The following THSD7A variants were observed in gnomAD, a reference collection of about 807,000 sequenced individuals.
The protein encoded by THSD7A is thrombospondin type-1 domain-containing protein 7A.
THSD7A carries 96 observed loss-of-function variants against 231.3 expected under a neutral mutation model. The observed-to-expected ratio is 0.41, with a 90% CI of 0.35 to 0.49. The LOEUF is 0.49. Ranked by LOEUF, THSD7A falls within the 20% of genes least tolerant of loss-of-function variation. The probability of loss-of-function intolerance (pLI) is 0.05; values close to 1 mark genes in which losing one functional copy is unlikely to be tolerated. For synonymous variants in THSD7A, 940 were observed against 743.3 expected (o/e 1.26, Z -4.30); for missense variants, 2,290 against 2,070.2 (o/e 1.11, Z -2.06).
chr7:11,476,771 GGCCACT>G (rs1786203206), intron 7 of THSD7A, among the ~76,000 whole-genome samples: 1 of 149,986 alleles, frequency 6.7e-6, no homozygotes, highest in South Asian at 2.1e-4. Context: ...GCCAAGATCG[GGCCACT>G]GCACTCCAGC....
At position 11,411,379 on chromosome 7, in the gene THSD7A, T is replaced by G. The variant is rs1783780849; in HGVS notation, c.3683-57A>C. On this transcript the variant is annotated intron_variant, in intron 18 of 27. Transcript: ENST00000423059. The surrounding 1 kb of genome is among the most constrained non-coding windows in gnomAD (Gnocchi z 4.1). ...GGCTAAGTAAGAAACAGATTTCAAA[T>G]GAAACTCTGATGACCTGAATCCCAT... 5.3e-5 allele frequency: 63 copies of G among 1,190,762 alleles called. No homozygotes were observed. The South Asian group carries it at 8.3e-4, about 16-fold the overall frequency. The allele number at this position is 1,190,762 out of a possible 1,614,324, so 73.8% of individuals were successfully genotyped here.
chr7:11,488,903 G>C (rs1243845791), intron 6 of THSD7A, among the ~76,000 whole-genome samples: 2 of 151,918 alleles, frequency 1.3e-5, no homozygotes, highest in Non-Finnish European at 2.9e-5. Flanking sequence ...TTCATGCCTG[G>C]TGTCCCCATC....
At chr7:11,780,193 T>A (rs1054092804) in intron 1 of THSD7A, among the ~76,000 whole-genome samples, 39 of 152,178 alleles carry the variant, frequency 2.6e-4, no homozygotes, top group African/African-American at 8.9e-4. Context: ...AAACTAATCG[T>A]ATTCATGAGG....
chr7:11,771,699 AAT>A (rs1199697790), intron 1 of THSD7A, among the ~76,000 whole-genome samples: 1 of 152,110 alleles, frequency 6.6e-6, no homozygotes, highest in African/African-American at 2.4e-5. Flanking sequence ...CAACATCGCT[AAT>A]TGATAAGGTT....
chr7:11,693,880 T>C (rs1040366952), intron 1 of THSD7A, among the ~76,000 whole-genome samples: 2 of 151,552 alleles, frequency 1.3e-5, no homozygotes, highest in Admixed American at 6.6e-5. Context: ...TTACAACTAA[T>C]TAGGATATCT....
At chr7:11,651,755 TTAA>T (rs1782516345) in intron 1 of THSD7A, among the ~76,000 whole-genome samples, 1 of 151,956 alleles carries the variant, frequency 6.6e-6, no homozygotes, top group African/African-American at 2.4e-5. Context: ...CTTTGTTTTA[TTAA>T]ACACTGAAAA....
At chr7:11,743,881 C>G (rs1408943146) in intron 1 of THSD7A, among the ~76,000 whole-genome samples, 2 of 151,888 alleles carry the variant, frequency 1.3e-5, no homozygotes, top group Non-Finnish European at 2.9e-5. Context: ...AGTAATGAAT[C>G]ATAGCAATGT....
intron 1 of THSD7A, among the ~76,000 whole-genome samples, chr7:11,683,176 A>G (rs912856944): frequency 6.6e-6 from 1 of 151,942 alleles, no homozygotes. Context: ...AGACAGTGGA[A>G]TAAGAATAGA....
chr7:11,741,739 TTGA>T (rs1782121894), intron 1 of THSD7A, among the ~76,000 whole-genome samples: 1 of 151,920 alleles, frequency 6.6e-6, no homozygotes, highest in Non-Finnish European at 1.5e-5. Flanking sequence ...AATAACTATG[TTGA>T]TGACCTAAAC....
At chr7:11,662,536 C>T (rs1218544911) in intron 1 of THSD7A, among the ~76,000 whole-genome samples, 1 of 151,278 alleles carries the variant, frequency 6.6e-6, no homozygotes, top group East Asian at 1.9e-4. Context: ...ATTAGAACAA[C>T]ATGATTAACA....
At chr7:11,761,141 A>T (rs1376115850) in intron 1 of THSD7A, among the ~76,000 whole-genome samples, 1 of 151,938 alleles carries the variant, frequency 6.6e-6, no homozygotes, top group Non-Finnish European at 1.5e-5. Flanking sequence ...GACAACTTTG[A>T]TTACATCAAA....
chr7:11,612,184 G>A (rs755138207), intron 2 of THSD7A, among the ~76,000 whole-genome samples: 2 of 151,752 alleles, frequency 1.3e-5, no homozygotes, highest in East Asian at 1.9e-4. Flanking sequence ...TCCATAGCAC[G>A]GCCTAACTGA....
intron 26 of THSD7A, among the ~76,000 whole-genome samples, chr7:11,378,410 T>A (rs1782366937): frequency 6.6e-6 from 1 of 152,156 alleles, no homozygotes; most frequent in East Asian, 1.9e-4. Context: ...GAATAGCATA[T>A]CATGAGGTAT....
Position 11,793,656 on chromosome 7 carries a change from G to A in THSD7A, c.190+38101C>T, listed in dbSNP as rs1030206847. Among the ~76,000 whole-genome samples, 3 of 151,640 alleles carry A rather than the reference G, an allele frequency of 2.0e-5. No individual in the cohort carries two copies. The South Asian group carries it at 6.2e-4, about 31-fold the overall frequency. Reference sequence around the variant, plus strand: ...GGAATATTATGTAGTCATGAAATAAGAAGATACTTTTTAAAAGTCATGTGG... The same window carrying A: ...GGAATATTATGTAGTCATGAAATAAAAAGATACTTTTTAAAAGTCATGTGG... On this transcript the variant is annotated intron_variant, in intron 1 of 27. Coordinates refer to ENST00000423059, the MANE Select transcript of THSD7A (RefSeq NM_015204.3).
chr7:11,623,499 C>T (rs548730004), intron 2 of THSD7A, among the ~76,000 whole-genome samples: 6 of 152,222 alleles, frequency 3.9e-5, no homozygotes, highest in Non-Finnish European at 7.4e-5. Context: ...GCCACACTCT[C>T]AGGGCAGACT....
intron 2 of THSD7A, among the ~76,000 whole-genome samples, chr7:11,626,511 C>T (rs200994873): frequency 1.3e-5 from 2 of 152,016 alleles, no homozygotes; most frequent in Non-Finnish European, 2.9e-5. Context: ...GATAATCATA[C>T]GCTGGGATGT....
At chr7:11,501,504 A>C (rs1402662313) in intron 6 of THSD7A, among the ~76,000 whole-genome samples, 1 of 152,226 alleles carries the variant, frequency 6.6e-6, no homozygotes, top group African/African-American at 2.4e-5. Context: ...TTACATAGAA[A>C]TTAAACAACA....
chr7:11,714,112 A>C (rs557545312), intron 1 of THSD7A, among the ~76,000 whole-genome samples: 1 of 151,370 alleles, frequency 6.6e-6, no homozygotes, highest in East Asian at 2.0e-4. Context: ...TGTTTGCAGG[A>C]AAACGATGTT....
intron 1 of THSD7A, among the ~76,000 whole-genome samples, chr7:11,813,409 G>A (rs1374046887): frequency 3.3e-5 from 5 of 152,012 alleles, no homozygotes; most frequent in Admixed American, 2.0e-4. Flanking sequence ...ATTATGCTGT[G>A]CTGGGTTTAA....
Sources: gnomAD v4.1 joint callset for allele counts (sites outside exome capture counted in the v4.1 genomes callset) on GRCh38, gnomAD v4.1.1 for gene constraint, Gnocchi (gnomAD v3.1) non-coding constraint, MANE v1.5 for transcripts, NCBI Gene and HGNC (gene_info 2026-07-23, HGNC 2026-07-21) for gene names.